SUDS3: variants seen among roughly 807,000 people sequenced by gnomAD.
SUDS3 encodes the protein sin3 histone deacetylase corepressor complex component SDS3.
Under a neutral mutation model 53.5 loss-of-function variants are expected in SUDS3, and 23 were observed. The ratio of observed to expected loss-of-function variants is 0.43; its 90% CI spans 0.31 to 0.61. The LOEUF is 0.61. SUDS3 is among the 20% of genes least tolerant of loss of function. SUDS3 has a pLI of 0.10. For missense variants in SUDS3, 291 were observed against 405.9 expected (o/e 0.72, Z 2.43); for synonymous variants, 150 against 148.5 (o/e 1.01, Z -0.08).
At chr12:118,400,838 G>A in intron 7 of SUDS3, 84 bp downstream of exon 7, 2 of 1,261,566 alleles carry the variant, frequency 1.6e-6, no homozygotes, top group Non-Finnish European at 2.3e-6. Flanking sequence ...GGGTACACAT[G>A]GCCGTTGTCC....
At chr12:118,384,116 AC>A in intron 3 of SUDS3, 49 bp downstream of exon 3, 1 of 1,561,972 alleles carries the variant, frequency 6.4e-7, no homozygotes, top group African/African-American at 1.4e-5. Context: ...TCTTAATATT[AC>A]AAACCCTTGA....
At chr12:118,380,315 C>T in intron 2 of SUDS3, 84 bp downstream of exon 2, 1 of 1,218,350 alleles carries the variant, frequency 8.2e-7, no homozygotes, top group East Asian at 2.6e-5. Context: ...TCTGAAATCT[C>T]AGATGCTCCA....
chr12:118,408,451 A>T (rs1404723859), intron 10 of SUDS3, among the ~76,000 whole-genome samples: 1 of 151,468 alleles, frequency 6.6e-6, no homozygotes, highest in Non-Finnish European at 1.5e-5. Flanking sequence ...CTTGTGCTTC[A>T]GCCTCCCGAG....
intron 6 of SUDS3, among the ~76,000 whole-genome samples, chr12:118,399,517 A>G (rs1055414542): frequency 5.3e-5 from 8 of 152,072 alleles, no homozygotes; most frequent in African/African-American, 1.9e-4. Context: ...AATAAGAAAT[A>G]TTTAGTAACA....
rs551497889 is a variant in SUDS3 at position 118,382,273 on chromosome 12, C to T, written c.213-1739C>T. On this transcript the variant is annotated intron_variant, in intron 2 of 11. Coordinates refer to ENST00000543473, the MANE Select transcript of SUDS3 (RefSeq NM_022491.3). Reference sequence around the variant, plus strand: ...ATGTTGGCCAGGCTGGTCTTGAACTCCTGACCTCAGATGATCTGCTTGCTT... The same window carrying T: ...ATGTTGGCCAGGCTGGTCTTGAACTTCTGACCTCAGATGATCTGCTTGCTT... Among the ~76,000 whole-genome samples, 5 of 152,072 alleles carry T rather than the reference C, an allele frequency of 3.3e-5. No homozygotes were observed. The South Asian group carries it at 1.0e-3, about 32-fold the overall frequency.
intron 9 of SUDS3, 159 bp downstream of exon 9, chr12:118,402,163 A>T: frequency 4.5e-6 from 3 of 661,524 alleles, no homozygotes; most frequent in Non-Finnish European, 7.7e-6. Context: ...CCTTAACTAT[A>T]CCCCTCCCTG....
intron 1 of SUDS3, 83 bp from the exon 2 acceptor site, chr12:118,380,079 T>G (rs531239979): frequency 9.1e-7 from 1 of 1,098,076 alleles, no homozygotes; most frequent in South Asian, 1.4e-5. Context: ...TACGGGAGTT[T>G]ATTGAGTGCA....
chr12:118,391,964 T>C (rs753310117), intron 6 of SUDS3, among the ~76,000 whole-genome samples: 3 of 152,198 alleles, frequency 2.0e-5, no homozygotes, highest in Non-Finnish European at 4.4e-5. Context: ...AATCCACATA[T>C]GGGAACTCAG....
At chr12:118,396,414 G>T (rs1417564939) in intron 6 of SUDS3, among the ~76,000 whole-genome samples, 1 of 152,086 alleles carries the variant, frequency 6.6e-6, no homozygotes, top group Non-Finnish European at 1.5e-5. Context: ...ACCTAGCCCA[G>T]CTAGTTTTTT....
rs145427208 is a variant in SUDS3 at position 118,389,876 on chromosome 12, A to G, written c.341-51A>G. On this transcript the variant is annotated intron_variant, in intron 4 of 11. Coordinates refer to ENST00000543473, the MANE Select transcript of SUDS3 (RefSeq NM_022491.3). ...TAAATGAATGCTAACATCACTGTCT[A>G]GAAAGGTGGCACAGCCTAGCAAATC... 4.0e-5 allele frequency: 64 copies of G among 1,611,856 alleles called. No homozygotes were observed. In the Admixed American group the frequency reaches 9.5e-4, roughly 24 times the overall value.
In SUDS3 at chr12:118,380,233, T is replaced by G. The variant is rs1450915053; in HGVS notation, c.212+2T>G. On this transcript the variant is annotated splice_donor_variant, in intron 2 of 11. Transcript: ENST00000543473. LOFTEE classifies it high-confidence loss of function. ...AGACTATGTAGAAATGAAGGAACAG[T>G]GAGTATGATATGCCTATGTCTTTTT... The G allele has an allele frequency of 1.2e-6, 2 of 1,602,872 alleles. No individual in the cohort carries two copies. Among genetic ancestry groups the G allele is most frequent in the African/African-American group, 1.3e-5 (1 of 74,820 alleles).
intron 6 of SUDS3, among the ~76,000 whole-genome samples, chr12:118,392,995 C>T (rs997382642): frequency 1.3e-4 from 20 of 152,142 alleles, no homozygotes; most frequent in Non-Finnish European, 2.5e-4. Flanking sequence ...ATTTGTAACG[C>T]AATAAAATAG....
intron 11 of SUDS3, among the ~76,000 whole-genome samples, chr12:118,413,776 C>G (rs954964257): frequency 2.0e-5 from 3 of 152,164 alleles, no homozygotes; most frequent in African/African-American, 4.8e-5. Flanking sequence ...GGGAAGGACT[C>G]TCGGAAGTGC....
At chr12:118,393,850 T>G (rs1022545212) in intron 6 of SUDS3, among the ~76,000 whole-genome samples, 1 of 151,786 alleles carries the variant, frequency 6.6e-6, no homozygotes, top group Admixed American at 6.6e-5. Flanking sequence ...TTTGTATTTT[T>G]AGTAGAGACA....
intron 6 of SUDS3, among the ~76,000 whole-genome samples, chr12:118,392,740 A>C (rs999645556): frequency 1.3e-5 from 2 of 152,160 alleles, no homozygotes; most frequent in Non-Finnish European, 2.9e-5. Context: ...TAGAGCCACC[A>C]GATGTTTGGG....
chr12:118,376,953 G>T (rs373621831), intron 1 of SUDS3, 120 bp downstream of exon 1: 2 of 1,258,248 alleles, frequency 1.6e-6, no homozygotes, highest in East Asian at 3.1e-5. Flanking sequence ...TGGAGGGGCC[G>T]CCGGGAGTTG....
At position 118,376,559 on chromosome 12, in the gene SUDS3, A is replaced by G. The variant is rs1024057443; in HGVS notation, c.-133A>G. The G allele has an allele frequency of 3.4e-6, 4 of 1,164,828 alleles. No homozygotes were observed. Among genetic ancestry groups the G allele is most frequent in the Non-Finnish European group, 4.3e-6 (4 of 922,630 alleles). The allele number at this position is 1,164,828 out of a possible 1,614,324, so 72.2% of individuals were successfully genotyped here. A position where few individuals can be genotyped will look rare whatever the true frequency, so the allele number is the denominator to read the frequency against. ...GCGCGGGGGGCGGAGCTCGGCGGAG[A>G]CGGGGAAGGGGTCGCCGTGGCTGCC... On this transcript the variant is annotated 5_prime_UTR_variant, in exon 1 of 12. Transcript: ENST00000543473.
In SUDS3 at chr12:118,414,484, T is replaced by G; in HGVS notation, c.*51T>G. Reference sequence around the variant, plus strand: ...CCTTTTTCTGGAGTGGGTTTTATTTTTGTTTTGTTTCGTTTTCTCCTTAAT... The same window carrying G: ...CCTTTTTCTGGAGTGGGTTTTATTTGTGTTTTGTTTCGTTTTCTCCTTAAT... On this transcript the variant is annotated 3_prime_UTR_variant, in exon 12 of 12. Coordinates refer to ENST00000543473, the MANE Select transcript of SUDS3 (RefSeq NM_022491.3). 2 of 1,413,690 alleles carry G rather than the reference T, an allele frequency of 1.4e-6. No homozygotes were observed. Among genetic ancestry groups the G allele is most frequent in the South Asian group, 2.7e-5 (2 of 75,102 alleles). 87.6% of individuals were successfully genotyped at this position (1,413,690 alleles called of 1,614,324 possible).
chr12:118,396,648 T>C (rs2046218015), intron 6 of SUDS3, among the ~76,000 whole-genome samples: 2 of 152,254 alleles, frequency 1.3e-5, no homozygotes, highest in South Asian at 4.1e-4. Context: ...AGTTAAAGTA[T>C]GTTGCATTGA....
Sources: allele counts gnomAD v4.1 joint callset (sites outside exome capture counted in the v4.1 genomes callset), GRCh38; gene constraint gnomAD v4.1.1; transcripts MANE v1.5; gene names NCBI Gene and HGNC (gene_info 2026-07-23, HGNC 2026-07-21).